PTK2: variants seen among roughly 807,000 people sequenced by gnomAD.
The protein encoded by PTK2 is protein tyrosine kinase 2, also known as focal adhesion kinase 1.
Under a neutral mutation model 150.1 loss-of-function variants are expected in PTK2, and 45 were observed. That is an observed-to-expected ratio of 0.30 (90% CI 0.24 to 0.38). PTK2 has a LOEUF of 0.38. PTK2 is among the 10% of genes least tolerant of loss of function. PTK2 has a pLI of 1.00. For synonymous variants in PTK2, 432 were observed against 449.2 expected (o/e 0.96, Z 0.48); for missense variants, 919 against 1,307.3 (o/e 0.70, Z 4.58).
intron 3 of PTK2, 72 bp from the exon 4 acceptor site, chr8:140,879,709 A>G (rs573406962): frequency 1.3e-5 from 15 of 1,151,594 alleles, no homozygotes; most frequent in East Asian, 3.4e-5. Context: ...AAACCAAAAC[A>G]AAACAAAAAC....
chr8:140,659,065 C>T, exon 32 of PTK2: 1 of 234,416 alleles, frequency 4.3e-6, no homozygotes, highest in East Asian at 6.2e-5. Context: ...TCCTGGAATT[C>T]TTTGCTTCAT....
In PTK2 at chr8:140,674,282, A is replaced by G. The variant is rs377577009; in HGVS notation, c.2709+16T>C. On this transcript the variant is annotated intron_variant, in intron 29 of 31. Coordinates refer to ENST00000522684, the Ensembl canonical transcript of PTK2. ...ATCCTGCAAGCAGAAGGTGCTGCAC[A>G]GGCTCAGATGCCCACCTTGACACCC... 3 of 1,588,628 alleles carry G rather than the reference A, an allele frequency of 1.9e-6. No individual in the cohort carries two copies. Among genetic ancestry groups the G allele is most frequent in the African/African-American group, 1.3e-5 (1 of 74,650 alleles).
At chr8:140,928,957 ATTTT>A (rs34658967) in intron 1 of PTK2, among the ~76,000 whole-genome samples, 12 of 92,204 alleles carry the variant, frequency 1.3e-4, no homozygotes, top group African/African-American at 4.7e-4. Context: ...TTTTATCACA[ATTTT>A]TTTTTTTTTT....
At chr8:140,761,943 C>A (rs1176116441) in intron 15 of PTK2, among the ~76,000 whole-genome samples, 1 of 151,856 alleles carries the variant, frequency 6.6e-6, no homozygotes, top group Non-Finnish European at 1.5e-5. Context: ...TATACAAAAT[C>A]GATTATTCAG....
intron 3 of PTK2, 125 bp downstream of exon 3, chr8:140,890,418 A>G (rs1272975649): frequency 2.7e-6 from 2 of 727,510 alleles, no homozygotes; most frequent in Non-Finnish European, 4.3e-6. Flanking sequence ...TAAAAATAGC[A>G]TTTCTGTAAT....
chr8:140,896,964 AAAC>A (rs1172823937), intron 2 of PTK2, among the ~76,000 whole-genome samples: 2 of 152,242 alleles, frequency 1.3e-5, no homozygotes, highest in East Asian at 3.8e-4. Context: ...CTGGATAGTA[AAAC>A]AACAACTATA....
intron 2 of PTK2, among the ~76,000 whole-genome samples, chr8:140,904,347 C>T (rs984950898): frequency 4.6e-5 from 7 of 152,108 alleles, no homozygotes; most frequent in Admixed American, 2.0e-4. Flanking sequence ...GGGATGAAGC[C>T]GACTTGATAG....
At chr8:140,957,742 TA>T (rs2100181683) in intron 1 of PTK2, among the ~76,000 whole-genome samples, 1 of 152,212 alleles carries the variant, frequency 6.6e-6, no homozygotes, top group Non-Finnish European at 1.5e-5. Context: ...ACCACTGTGT[TA>T]CAACTGCCTA....
In PTK2 at chr8:140,730,958, C is replaced by A. The variant is rs946705327; in HGVS notation, c.2030+4293G>T. Reference sequence around the variant, plus strand: ...GTAACCAGGAATTAAATTAAACCCCCCCCCCCCTTTTTTTTTTGAGACAAA... The same window carrying A: ...GTAACCAGGAATTAAATTAAACCCCACCCCCCCTTTTTTTTTTGAGACAAA... On this transcript the variant is annotated intron_variant, in intron 22 of 31. Transcript: ENST00000522684. Among the ~76,000 whole-genome samples, 25 of 141,226 alleles carry A rather than the reference C, an allele frequency of 1.8e-4. 1 individual carries two copies. The highest frequency in any genetic ancestry group is 5.6e-4 in the African/African-American group (22 of 39,182). 92.6% of individuals were successfully genotyped at this position (141,226 alleles called of 152,430 possible). A position where few individuals can be genotyped will look rare whatever the true frequency, so the allele number is the denominator to read the frequency against.
At chr8:140,701,109 A>G in intron 25 of PTK2, 87 bp from the exon 29 acceptor site, 1 of 1,419,412 alleles carries the variant, frequency 7.0e-7, no homozygotes, top group Middle Eastern at 1.8e-4. Flanking sequence ...TCAAGAAAAG[A>G]TAAGCAAAAC....
At chr8:140,977,523 G>A (rs1040141339) in intron 1 of PTK2, among the ~76,000 whole-genome samples, 8 of 151,882 alleles carry the variant, frequency 5.3e-5, no homozygotes. Context: ...TCAGGAGGCT[G>A]AGGCAGGAGA....
intron 29 of PTK2, among the ~76,000 whole-genome samples, chr8:140,670,488 A>AC (rs751260741): frequency 1.6e-3 from 64 of 38,912 alleles, no homozygotes; most frequent in African/African-American, 4.1e-3. Flanking sequence ...AAAAAACAAC[A>AC]ACACACACAC....
chr8:140,955,453 T>C (rs376822806), intron 1 of PTK2, among the ~76,000 whole-genome samples: 5 of 152,342 alleles, frequency 3.3e-5, no homozygotes, highest in South Asian at 2.1e-4. Context: ...GTGAAGTCAA[T>C]TGAACCTCTT....
chr8:140,964,329 C>T (rs1035167003), intron 1 of PTK2, among the ~76,000 whole-genome samples: 6 of 151,970 alleles, frequency 3.9e-5, no homozygotes, highest in Non-Finnish European at 8.8e-5. Flanking sequence ...TGAGCTCAAG[C>T]AATCCTCCCA....
intron 26 of PTK2, among the ~76,000 whole-genome samples, chr8:140,698,032 T>C (rs1316096170): frequency 6.6e-6 from 1 of 151,982 alleles, no homozygotes; most frequent in Non-Finnish European, 1.5e-5. Context: ...CACTCTTCGC[T>C]CTTCCTGGAA....
chr8:140,664,861 ATG>A, intron 31 of PTK2, 54 bp downstream of exon 35: 16 of 1,545,342 alleles, frequency 1.0e-5, no homozygotes, highest in Non-Finnish European at 1.2e-5. Context: ...GCATCCCTGA[ATG>A]TGTCCCTGCC....
intron 14 of PTK2, among the ~76,000 whole-genome samples, chr8:140,787,168 T>TA (rs1417809345): frequency 1.3e-5 from 2 of 152,176 alleles, no homozygotes; most frequent in East Asian, 3.9e-4. Flanking sequence ...TATGAACTCC[T>TA]AGTTACGGAA....
chr8:140,940,766 CAGG>C (rs933606993), intron 1 of PTK2: 5 of 152,344 alleles, frequency 3.3e-5, no homozygotes, highest in Admixed American at 2.6e-4. Flanking sequence ...CACCTGAGAT[CAGG>C]AGTTCAAGAC....
At chr8:140,658,628 A>G (rs949962447) in exon 32 of PTK2, 1 of 206,778 alleles carries the variant, frequency 4.8e-6, no homozygotes, top group Non-Finnish European at 9.9e-6. Context: ...CAGTGGCTGT[A>G]AAATAGTCAA....
Sources: allele counts gnomAD v4.1 joint callset (sites outside exome capture counted in the v4.1 genomes callset), GRCh38; gene constraint gnomAD v4.1.1; transcripts MANE v1.5; gene names NCBI Gene and HGNC (gene_info 2026-07-23, HGNC 2026-07-21).